The following NAA60 variants were observed in gnomAD, a reference collection of about 807,000 sequenced individuals.
The protein encoded by NAA60 is N-alpha-acetyltransferase 60.
NAA60 carries 8 observed loss-of-function variants against 26.1 expected under a neutral mutation model. That is an observed-to-expected ratio of 0.31 (90% confidence interval 0.18 to 0.55). The LOEUF is 0.55. Among genes scored for constraint, NAA60 ranks in the 20% least tolerant of loss-of-function variants. The pLI is 0.93. For missense variants in NAA60, 290 were observed against 311.3 expected (o/e 0.93, Z 0.51); for synonymous variants, 131 against 122.5 (o/e 1.07, Z -0.46).
At chr16:3,475,413 A>C (rs2036416903) in intron 2 of NAA60, among the ~76,000 whole-genome samples, 1 of 151,076 alleles carries the variant, frequency 6.6e-6, no homozygotes, top group South Asian at 2.1e-4. Context: ...TTAACGACTA[A>C]TTTCCAACTT....
At chr16:3,483,683 C>G in intron 6 of NAA60, 86 bp downstream of exon 6, 1 of 1,047,076 alleles carries the variant, frequency 9.6e-7, no homozygotes. Flanking sequence ...CTGTGGTCCC[C>G]CTCAGATGAT....
At chr16:3,445,423 G>A (rs907252353) in intron 1 of NAA60, among the ~76,000 whole-genome samples, 1 of 151,658 alleles carries the variant, frequency 6.6e-6, no homozygotes, top group Non-Finnish European at 1.5e-5. Flanking sequence ...ACAGGTGCCC[G>A]CCACCACGTC....
rs993616057 is a variant in NAA60, at chr16:3,483,503, T to C, written c.478T>C (p.Tyr160His). 1.2e-6 allele frequency: 2 copies of C among 1,613,924 alleles called. No individual in the cohort carries two copies. Among genetic ancestry groups the C allele is most frequent in the South Asian group, 2.2e-5 (2 of 91,088 alleles). ...YENRDFKQHH[Y>H]LPYYYSIRGV... ...AAACAGAGACTTCAAGCAGCACCAC[T>C]ATCTCCCCTATTACTACTCCATTCG... The change falls in exon 6 of 8, where the codon TAT (tyrosine) becomes CAT (histidine). Residue 160 changes from tyrosine (Y) to histidine (H), a missense_variant. Transcript: ENST00000407558.
At chr16:3,483,666 G>C in intron 6 of NAA60, 69 bp downstream of exon 6, 1 of 1,237,706 alleles carries the variant, frequency 8.1e-7, no homozygotes, top group Non-Finnish European at 1.2e-6. Context: ...CAGTGAGCAA[G>C]TTGGAGCTGT....
Position 3,485,889 on chromosome 16 carries a change from C to A in NAA60, c.*629C>A. The A allele has an allele frequency of 2.8e-6, 1 of 354,606 alleles. No individual in the cohort carries two copies. The highest frequency in any genetic ancestry group is 2.1e-5 in the African/African-American group (1 of 46,750). 22.0% of individuals were successfully genotyped at this position (354,606 alleles called of 1,614,324 possible). ...AGAGCTCTGAGGCTCAGCCCCCTGG[C>A]ACAGGCGGTCACGCATCAGGACGGT... On this transcript the variant is annotated 3_prime_UTR_variant, in exon 8 of 8. Transcript: ENST00000407558.
At position 3,456,068 on chromosome 16, in the gene NAA60, T is replaced by C. The variant is rs148142415; in HGVS notation, c.-7+7528T>C. On this transcript the variant is annotated intron_variant, in intron 2 of 7. Transcript: ENST00000407558. Reference sequence around the variant, plus strand: ...TCTGTTTGCCAGTTCATCTTAACGGTGCTGTATTTAGAACCCTGGAAACAG... The same window carrying C: ...TCTGTTTGCCAGTTCATCTTAACGGCGCTGTATTTAGAACCCTGGAAACAG... Among the ~76,000 whole-genome samples, 69 of 152,272 alleles carry C rather than the reference T, an allele frequency of 4.5e-4. No individual in the cohort carries two copies. The East Asian group carries it at 4.8e-3, about 11-fold the overall frequency.
intron 2 of NAA60, among the ~76,000 whole-genome samples, chr16:3,467,319 G>T (rs1345328579): frequency 6.6e-6 from 1 of 152,146 alleles, no homozygotes; most frequent in Non-Finnish European, 1.5e-5. Flanking sequence ...GCAGGGAGGA[G>T]CTGTGGGCGG....
intron 2 of NAA60, 162 bp from the exon 3 acceptor site, chr16:3,476,060 T>C: frequency 1.7e-6 from 1 of 594,374 alleles, no homozygotes; most frequent in Non-Finnish European, 3.0e-6. Context: ...CTGCAGCGCC[T>C]CTTGGGAGGG....
At chr16:3,458,287 C>G in intron 2 of NAA60, 2 of 707,196 alleles carry the variant, frequency 2.8e-6, no homozygotes, top group Non-Finnish European at 3.5e-6. Context: ...CAGCGCCCAC[C>G]GGGTACGAGC....
chr16:3,478,479 G>A (rs538309264), intron 3 of NAA60, among the ~76,000 whole-genome samples: 2 of 152,278 alleles, frequency 1.3e-5, no homozygotes, highest in Admixed American at 6.5e-5. Flanking sequence ...GGGCTGTGAG[G>A]CAGCAAAACT....
In NAA60 at chr16:3,459,084, G is replaced by C. The variant is rs1235622227; in HGVS notation, c.-7+10544G>C. 2.6e-5 allele frequency among the ~76,000 whole-genome samples: 4 copies of C among 152,268 alleles called. No individual in the cohort carries two copies. The East Asian group carries it at 7.7e-4, about 29-fold the overall frequency. On this transcript the variant is annotated intron_variant, in intron 2 of 7. Coordinates refer to ENST00000407558, the MANE Select transcript of NAA60 (RefSeq NM_001083601.3). ...CACTTTTGTGTCACTCATTTATCTT[G>C]AAAGAAAAGGTTAACAGCCCAACAG...
chr16:3,458,223 CG>C, intron 2 of NAA60: 4 of 574,746 alleles, frequency 7.0e-6, no homozygotes, highest in Non-Finnish European at 8.7e-6. Flanking sequence ...GGACCTGCGG[CG>C]GGGCGCCGAG....
intron 2 of NAA60, among the ~76,000 whole-genome samples, chr16:3,467,205 C>A (rs952385703): frequency 6.6e-6 from 1 of 152,054 alleles, no homozygotes; most frequent in Non-Finnish European, 1.5e-5. Context: ...CTTCAGGCCA[C>A]GGCTGAGAAG....
At chr16:3,483,788 T>C (rs889758351) in intron 6 of NAA60, 191 bp downstream of exon 6, 6 of 591,258 alleles carry the variant, frequency 1.0e-5, no homozygotes, top group South Asian at 2.2e-5. Context: ...GTTGCACATA[T>C]TACCATGTTG....
intron 2 of NAA60, among the ~76,000 whole-genome samples, chr16:3,465,557 G>A (rs993263431): frequency 2.6e-5 from 4 of 152,148 alleles, no homozygotes; most frequent in African/African-American, 4.8e-5. Context: ...GGCTGCAGAC[G>A]GGGGTTAGTA....
chr16:3,447,556 C>A, intron 1 of NAA60: 1 of 985,382 alleles, frequency 1.0e-6, no homozygotes. Flanking sequence ...CCGTATCCTT[C>A]ATGGGAAGTT....
At chr16:3,462,104 A>AAAAAAAAAAAAAAC (rs1414883728) in intron 2 of NAA60, among the ~76,000 whole-genome samples, 2 of 151,652 alleles carry the variant, frequency 1.3e-5, no homozygotes, top group Non-Finnish European at 1.5e-5. Context: ...AAAAAAAAAA[A>AAAAAAAAAAAAAAC]ACCTTTCAGT....
intron 2 of NAA60, among the ~76,000 whole-genome samples, chr16:3,452,811 C>T (rs949383281): frequency 6.6e-6 from 1 of 151,108 alleles, no homozygotes; most frequent in African/African-American, 2.4e-5. Context: ...AAAAATTAGC[C>T]GGGTGTGGTG....
At chr16:3,456,200 C>T (rs1294050035) in intron 2 of NAA60, among the ~76,000 whole-genome samples, 1 of 152,172 alleles carries the variant, frequency 6.6e-6, no homozygotes, top group African/African-American at 2.4e-5. Context: ...GCTTGTTACT[C>T]ACATGGGGGT....
Sources: allele counts gnomAD v4.1 joint callset (sites outside exome capture counted in the v4.1 genomes callset), GRCh38; gene constraint gnomAD v4.1.1; transcripts MANE v1.5; gene names NCBI Gene and HGNC (gene_info 2026-07-23, HGNC 2026-07-21).